The following GRM8 variants were observed in gnomAD, a reference collection of about 807,000 sequenced individuals.
The protein encoded by GRM8 is glutamate metabotropic receptor 8, also known as metabotropic glutamate receptor 8.
A neutral mutation model predicts 87.2 loss-of-function variants in GRM8; 47 were observed. The ratio of observed to expected loss-of-function variants is 0.54; its 90% CI spans 0.43 to 0.69. The LOEUF (loss-of-function observed/expected upper bound fraction) is 0.69, where lower values mean the gene tolerates loss of function less well. Among genes scored for constraint, GRM8 ranks in the 30% least tolerant of loss-of-function variants. GRM8 has a pLI of 0.00. For synonymous variants in GRM8, 396 were observed against 404.5 expected (o/e 0.98, Z 0.25); for missense variants, 1,019 against 1,139.2 (o/e 0.89, Z 1.52).
At chr7:126,612,881 A>G (rs1799061006) in intron 7 of GRM8, among the ~76,000 whole-genome samples, 2 of 152,206 alleles carry the variant, frequency 1.3e-5, no homozygotes, top group Admixed American at 1.3e-4. Flanking sequence ...TCACAAACGG[A>G]GAGACCAAAT....
At chr7:126,724,403 A>T (rs957695855) in intron 7 of GRM8, among the ~76,000 whole-genome samples, 3 of 152,012 alleles carry the variant, frequency 2.0e-5, no homozygotes, top group African/African-American at 7.2e-5. Flanking sequence ...CAGCAGGAAA[A>T]CTCGAGGCCC....
At chr7:126,514,176 C>A (rs552741323) in intron 9 of GRM8, among the ~76,000 whole-genome samples, 63 of 152,194 alleles carry the variant, frequency 4.1e-4, no homozygotes, top group African/African-American at 1.5e-3. Context: ...CCAGCAAGTC[C>A]GCAGATGCTG....
At chr7:127,095,697 C>T (rs1364876712) in intron 3 of GRM8, 1 of 152,162 alleles carries the variant, frequency 6.6e-6, no homozygotes, top group Non-Finnish European at 1.5e-5. Context: ...TGTCCTGCTC[C>T]ACTGTCTCAT....
intron 2 of GRM8, among the ~76,000 whole-genome samples, chr7:127,197,517 A>G (rs189905129): frequency 4.9e-4 from 75 of 151,892 alleles, no homozygotes; most frequent in Non-Finnish European, 8.7e-4. Flanking sequence ...ATTGATTCGT[A>G]TGTATATTTT....
At chr7:126,594,690 T>C (rs1296383882) in intron 8 of GRM8, among the ~76,000 whole-genome samples, 1 of 152,132 alleles carries the variant, frequency 6.6e-6, no homozygotes, top group Non-Finnish European at 1.5e-5. Flanking sequence ...TAATATATTG[T>C]ATTCATTAAA....
chr7:127,212,891 G>C (rs372804953), intron 2 of GRM8, among the ~76,000 whole-genome samples: 1 of 152,190 alleles, frequency 6.6e-6, no homozygotes, highest in East Asian at 1.9e-4. Flanking sequence ...TTCACTTTAG[G>C]CTTCTGGTCA....
intron 7 of GRM8, among the ~76,000 whole-genome samples, chr7:126,740,376 GT>G (rs1240036687): frequency 1.3e-5 from 2 of 152,046 alleles, no homozygotes; most frequent in Non-Finnish European, 2.9e-5. Flanking sequence ...AATTGAATTG[GT>G]TTGTACAAAC....
chr7:126,742,603 C>A (rs553592156), intron 7 of GRM8, among the ~76,000 whole-genome samples: 103 of 151,976 alleles, frequency 6.8e-4, no homozygotes, highest in South Asian at 2.1e-3. Flanking sequence ...ACCCTCAGTG[C>A]CCAGACTCTT....
chr7:126,456,799 T>A (rs983336405), intron 9 of GRM8, among the ~76,000 whole-genome samples: 2 of 151,502 alleles, frequency 1.3e-5, no homozygotes, highest in Non-Finnish European at 3.0e-5. Flanking sequence ...AATTGAAGCT[T>A]CTCTAGAAGG....
At chr7:126,603,230 G>A (rs1242124064) in intron 8 of GRM8, among the ~76,000 whole-genome samples, 3 of 147,642 alleles carry the variant, frequency 2.0e-5, no homozygotes, top group East Asian at 2.0e-4. Context: ...TTGATGGGAC[G>A]TATTTCAAAA....
At chr7:127,243,821 C>T (rs898207540) in intron 1 of GRM8, among the ~76,000 whole-genome samples, 12 of 150,732 alleles carry the variant, frequency 8.0e-5, no homozygotes, top group East Asian at 5.8e-4. Context: ...AATCCTGCAA[C>T]TGATGGCACC....
chr7:127,007,518 G>T (rs1331823775), intron 3 of GRM8, among the ~76,000 whole-genome samples: 1 of 151,608 alleles, frequency 6.6e-6, no homozygotes, highest in South Asian at 2.1e-4. Context: ...ATTAACTTTT[G>T]ACTTCTAGCA....
intron 3 of GRM8, among the ~76,000 whole-genome samples, chr7:127,071,413 T>C (rs1253698475): frequency 6.6e-6 from 1 of 152,172 alleles, no homozygotes; most frequent in Non-Finnish European, 1.5e-5. Flanking sequence ...CAGATAATGA[T>C]TTAAGACCAC....
At chr7:126,782,948 C>A (rs995894538) in intron 6 of GRM8, among the ~76,000 whole-genome samples, 5 of 152,118 alleles carry the variant, frequency 3.3e-5, no homozygotes, top group Admixed American at 6.6e-5. Context: ...GTTTCTGTGC[C>A]ATTCTTCATA....
intron 3 of GRM8, among the ~76,000 whole-genome samples, chr7:127,036,689 G>C (rs1370872733): frequency 1.3e-5 from 2 of 152,132 alleles, no homozygotes; most frequent in Non-Finnish European, 2.9e-5. Context: ...TGGGTCCATG[G>C]CTAGGAGATT....
intron 3 of GRM8, among the ~76,000 whole-genome samples, chr7:126,988,793 A>G (rs930253597): frequency 6.6e-6 from 1 of 152,176 alleles, no homozygotes; most frequent in Non-Finnish European, 1.5e-5. Flanking sequence ...TTAACTGTTC[A>G]TTTTGCATTT....
chr7:126,974,702 G>C (rs1810775222), intron 3 of GRM8, among the ~76,000 whole-genome samples: 2 of 152,070 alleles, frequency 1.3e-5, no homozygotes, highest in African/African-American at 4.8e-5. Context: ...TGGGAGGCTA[G>C]ATGGGCAGAT....
At position 127,223,053 on chromosome 7, in the gene GRM8, G is replaced by A. The variant is rs1172099432; in HGVS notation, c.510+19642C>T. On this transcript the variant is annotated intron_variant, in intron 2 of 10. Transcript: ENST00000339582. ...TGTAGACAAATGTAAGGATCAAGAGGGGCTTTGACAGGAAGGCAGAGTAAA... is the reference window on the plus strand; with the variant it reads ...TGTAGACAAATGTAAGGATCAAGAGAGGCTTTGACAGGAAGGCAGAGTAAA... Among the ~76,000 whole-genome samples, 4 of 152,180 alleles carry A rather than the reference G, an allele frequency of 2.6e-5. No homozygotes were observed. The East Asian group carries it at 5.8e-4, about 22-fold the overall frequency.
rs140311557 is a variant in GRM8, at chr7:126,975,249, A to C, written c.728-70566T>G. Among the ~76,000 whole-genome samples, 692 of 152,284 alleles carry C rather than the reference A, an allele frequency of 4.5e-3. 7 individuals are homozygous for C. The highest frequency in any genetic ancestry group is 0.016 in the African/African-American group (665 of 41,564). On this transcript the variant is annotated intron_variant, in intron 3 of 10. Coordinates refer to ENST00000339582, the MANE Select transcript of GRM8 (RefSeq NM_000845.3). ...TGACCAGAACACATCAGTCAATCAG[A>C]TCAAAGGAGAGTATAGCACAGTTAG...
Sources: gnomAD v4.1 joint callset for allele counts (sites outside exome capture counted in the v4.1 genomes callset) on GRCh38, gnomAD v4.1.1 for gene constraint, MANE v1.5 for transcripts, NCBI Gene and HGNC (gene_info 2026-07-23, HGNC 2026-07-21) for gene names.